Variants in DHRSX observed in about 807,000 individuals in gnomAD.
DHRSX encodes the protein polyprenol dehydrogenase.
Under a neutral mutation model 34.0 loss-of-function variants are expected in DHRSX, and 31 were observed. The observed-to-expected ratio is 0.91, with a 90% CI of 0.69 to 1.23. DHRSX has a LOEUF of 1.23. Ranked by LOEUF, DHRSX falls within the 50% of genes most tolerant of loss-of-function variation. The pLI, the probability that DHRSX is intolerant of heterozygous loss-of-function variation, is 0.00. For missense variants in DHRSX, 414 were observed against 428.1 expected (o/e 0.97, Z 0.29); for synonymous variants, 201 against 183.8 (o/e 1.09, Z -0.76).
chrX:2,429,579 C>T (rs1269669959), intron 1 of DHRSX, among the ~76,000 whole-genome samples: 1 of 151,926 alleles, frequency 6.6e-6, no homozygotes, highest in Non-Finnish European at 1.5e-5. Flanking sequence ...TCCCAAGTAG[C>T]TGGGACTACA....
chrX:2,491,639 C>A (rs1163158222), intron 1 of DHRSX, among the ~76,000 whole-genome samples: 1 of 152,232 alleles, frequency 6.6e-6, no homozygotes, highest in Admixed American at 6.5e-5. Context: ...ACTGCACACT[C>A]TTCTCAAACT....
chrX:2,490,815 G>A, intron 1 of DHRSX: 1 of 1,507,290 alleles, frequency 6.6e-7, no homozygotes, highest in Non-Finnish European at 8.9e-7. Flanking sequence ...AGGGACCCAG[G>A]CACGCACGGG....
intron 3 of DHRSX, among the ~76,000 whole-genome samples, chrX:2,299,055 A>T (rs2041980920): frequency 6.6e-6 from 1 of 151,820 alleles, no homozygotes; most frequent in Non-Finnish European, 1.5e-5. Flanking sequence ...ATTGTCTGCG[A>T]CAAATCCAGC....
rs766656545 is a variant in DHRSX, at chrX:2,238,611, T to G, written c.804+4412A>C. ...CTTTTTTTTTTTTTTGAGACGGAGT[T>G]TCACTCTTTTCACCCAGGCTGGAGT... On this transcript the variant is annotated intron_variant, in intron 6 of 6. Coordinates refer to ENST00000334651, the MANE Select transcript of DHRSX (RefSeq NM_145177.3). Among the ~76,000 whole-genome samples, 18 of 151,436 alleles carry G rather than the reference T, an allele frequency of 1.2e-4. No individual in the cohort carries two copies. In the South Asian group the frequency reaches 3.8e-3, roughly 32 times the overall value.
chrX:2,307,210 A>G (rs1341392271), intron 3 of DHRSX, among the ~76,000 whole-genome samples: 1 of 152,170 alleles, frequency 6.6e-6, no homozygotes, highest in Non-Finnish European at 1.5e-5. Context: ...TTAACACAGA[A>G]ACGGAAAATT....
intron 3 of DHRSX, among the ~76,000 whole-genome samples, chrX:2,335,183 T>C (rs2042539391): frequency 2.1e-5 from 2 of 94,440 alleles, no homozygotes; most frequent in African/African-American, 6.1e-5. Flanking sequence ...GGACTCCATC[T>C]CAAAAAAAAA....
intron 3 of DHRSX, among the ~76,000 whole-genome samples, chrX:2,357,442 T>C (rs760196994): frequency 6.6e-6 from 1 of 152,120 alleles, no homozygotes; most frequent in South Asian, 2.1e-4. Context: ...TGCCCATATG[T>C]CCATCAACCT....
intron 3 of DHRSX, among the ~76,000 whole-genome samples, chrX:2,368,500 A>C (rs765889658): frequency 1.8e-4 from 27 of 152,236 alleles, no homozygotes; most frequent in Non-Finnish European, 3.5e-4. Flanking sequence ...AACAATTGCT[A>C]AACAACAAAA....
chrX:2,427,923 C>A (rs1170447938), intron 1 of DHRSX, among the ~76,000 whole-genome samples: 2 of 152,022 alleles, frequency 1.3e-5, no homozygotes, highest in Non-Finnish European at 2.9e-5. Flanking sequence ...TACTACACAG[C>A]CATGAAAAGG....
At position 2,500,881 on chromosome X, in the gene DHRSX, C is replaced by G. The variant is rs964252205; in HGVS notation, c.45G>C (p.Ala15=). The change falls in exon 1 of 7, where the codon GCG becomes GCC. Residue 15 remains alanine (A), a synonymous_variant. Coordinates refer to ENST00000334651, the MANE Select transcript of DHRSX (RefSeq NM_145177.3). ...GCGCCAGGATCACCGCGGCGCCTAC[C>G]GCGTAGACCCGCAGGGCCGCCCGCG... ...SAARAALRVY[A]VGAAVILAQL... 1.8e-5 allele frequency: 21 copies of G among 1,150,152 alleles called. No homozygotes were observed. The highest frequency in any genetic ancestry group is 2.3e-5 in the Non-Finnish European group (21 of 930,144). 71.2% of individuals were successfully genotyped at this position (1,150,152 alleles called of 1,614,324 possible). A position where few individuals can be genotyped will look rare whatever the true frequency, so the allele number is the denominator to read the frequency against.
At chrX:2,250,682 T>C (rs2016416016) in intron 5 of DHRSX, among the ~76,000 whole-genome samples, 1 of 152,080 alleles carries the variant, frequency 6.6e-6, no homozygotes. Flanking sequence ...CACAACCTGG[T>C]TTATCAGCAG....
chrX:2,486,865 C>G (rs1411340544), intron 1 of DHRSX: 1 of 152,268 alleles, frequency 6.6e-6, no homozygotes, highest in Non-Finnish European at 1.5e-5. Flanking sequence ...GGATAACATT[C>G]TGTGCTGCTT....
intron 3 of DHRSX, among the ~76,000 whole-genome samples, chrX:2,356,642 G>T (rs757586582): frequency 3.3e-4 from 50 of 152,214 alleles, no homozygotes; most frequent in African/African-American, 1.2e-3. Context: ...TTCTGCCTCT[G>T]CCACCCCTGA....
intron 1 of DHRSX, among the ~76,000 whole-genome samples, chrX:2,464,905 T>C (rs2044468080): frequency 6.6e-6 from 1 of 151,188 alleles, no homozygotes. Context: ...ATGTGCACAA[T>C]GAAGATGTTC....
chrX:2,245,824 T>C (rs1298705437), intron 5 of DHRSX, among the ~76,000 whole-genome samples: 1 of 150,012 alleles, frequency 6.7e-6, no homozygotes, highest in Non-Finnish European at 1.5e-5. Context: ...TAGCCAGGCA[T>C]GGTGGCATGT....
chrX:2,331,436 G>GTTTTTTTT (rs1159991841), intron 3 of DHRSX, among the ~76,000 whole-genome samples: 2,732 of 94,480 alleles, frequency 0.029, 395 homozygotes, highest in Non-Finnish European at 0.048. Flanking sequence ...AGGTTTTTTG[G>GTTTTTTTT]TTTTTTTTTT....
chrX:2,254,930 A>T (rs1457408926), intron 5 of DHRSX, among the ~76,000 whole-genome samples: 1 of 147,142 alleles, frequency 6.8e-6, no homozygotes, highest in Non-Finnish European at 1.5e-5. Context: ...GGTGTGAGCC[A>T]CTGTGCCTGC....
chrX:2,312,592 G>A (rs1324271753), intron 3 of DHRSX, among the ~76,000 whole-genome samples: 3 of 152,130 alleles, frequency 2.0e-5, no homozygotes, highest in African/African-American at 7.2e-5. Context: ...GGGACTAGGG[G>A]AGGGAGAGCA....
chrX:2,289,964 T>G (rs1187258863), intron 4 of DHRSX, among the ~76,000 whole-genome samples: 1 of 152,320 alleles, frequency 6.6e-6, no homozygotes, highest in East Asian at 1.9e-4. Context: ...TACATGGAAA[T>G]GGTGTTGTCT....
Sources: gnomAD v4.1 joint callset for allele counts (sites outside exome capture counted in the v4.1 genomes callset) on GRCh38, gnomAD v4.1.1 for gene constraint, MANE v1.5 for transcripts, NCBI Gene and HGNC (gene_info 2026-07-23, HGNC 2026-07-21) for gene names.